The following MAMDC2 variants were observed in gnomAD, a reference collection of about 807,000 sequenced individuals.
The protein encoded by MAMDC2 is MAM domain-containing protein 2.
A neutral mutation model predicts 89.8 loss-of-function variants in MAMDC2; 57 were observed. That is an observed-to-expected ratio of 0.63 (90% CI 0.51 to 0.79). The LOEUF (loss-of-function observed/expected upper bound fraction) is 0.79. Ranked by LOEUF, MAMDC2 falls within the 30% of genes least tolerant of loss-of-function variation. MAMDC2 has a pLI of 0.00. For missense variants in MAMDC2, 800 were observed against 820.6 expected (o/e 0.97, Z 0.31); for synonymous variants, 313 against 293.4 (o/e 1.07, Z -0.68).
intron 2 of MAMDC2, among the ~76,000 whole-genome samples, chr9:70,098,627 C>CCACTAT (rs1828086405): frequency 6.6e-6 from 1 of 152,064 alleles, no homozygotes; most frequent in East Asian, 1.9e-4. Flanking sequence ...CTTCAGGATC[C>CCACTAT]CACTATAAGG....
intron 9 of MAMDC2, among the ~76,000 whole-genome samples, chr9:70,151,488 TG>T (rs139323396): frequency 6.6e-6 from 1 of 152,358 alleles, no homozygotes; most frequent in East Asian, 1.9e-4. Flanking sequence ...CAATAAATTT[TG>T]TTTGGTACGT....
intron 2 of MAMDC2, among the ~76,000 whole-genome samples, chr9:70,045,148 G>A (rs905804107): frequency 1.3e-5 from 2 of 152,230 alleles, no homozygotes; most frequent in African/African-American, 4.8e-5. Context: ...GTGATGGGAC[G>A]TCAGTGCTAA....
chr9:70,145,030 T>C (rs1308113081), intron 9 of MAMDC2, among the ~76,000 whole-genome samples: 1 of 152,252 alleles, frequency 6.6e-6, no homozygotes, highest in African/African-American at 2.4e-5. Context: ...TATTTTCCAT[T>C]GCTAGGCAGG....
At chr9:70,178,188 G>T (rs2032555136) in intron 11 of MAMDC2, among the ~76,000 whole-genome samples, 1 of 152,148 alleles carries the variant, frequency 6.6e-6, no homozygotes, top group Non-Finnish European at 1.5e-5. Flanking sequence ...ATAACAGAAT[G>T]GCTGAACTGA....
chr9:70,085,591 T>G (rs574492898), intron 2 of MAMDC2, among the ~76,000 whole-genome samples: 24 of 152,214 alleles, frequency 1.6e-4, no homozygotes, highest in African/African-American at 5.3e-4. Context: ...TTGACCAGAC[T>G]ACTGCTTGTT....
At chr9:70,130,164 C>T (rs1186270065) in intron 6 of MAMDC2, among the ~76,000 whole-genome samples, 1 of 151,940 alleles carries the variant, frequency 6.6e-6, no homozygotes, top group Non-Finnish European at 1.5e-5. Flanking sequence ...GACCCTATTC[C>T]CAAATAAGGT....
At chr9:70,180,300 T>C (rs996882924) in intron 11 of MAMDC2, among the ~76,000 whole-genome samples, 1 of 152,338 alleles carries the variant, frequency 6.6e-6, no homozygotes. Context: ...TCTTTGCTAT[T>C]GTAAATAGTG....
chr9:70,129,103 A>G (rs1190077347), intron 6 of MAMDC2, among the ~76,000 whole-genome samples: 1 of 152,210 alleles, frequency 6.6e-6, no homozygotes, highest in Non-Finnish European at 1.5e-5. Context: ...AGACCCTGGG[A>G]GGTTAACTGA....
intron 2 of MAMDC2, among the ~76,000 whole-genome samples, chr9:70,078,766 C>T (rs1175704956): frequency 1.3e-5 from 2 of 152,074 alleles, no homozygotes; most frequent in African/African-American, 4.8e-5. Context: ...AAAGGATTTG[C>T]GTTCCTCCAA....
At chr9:70,120,539 A>G (rs955015388) in intron 5 of MAMDC2, among the ~76,000 whole-genome samples, 1 of 152,146 alleles carries the variant, frequency 6.6e-6, no homozygotes, top group Non-Finnish European at 1.5e-5. Context: ...TAGAAACCCC[A>G]TCTCCAATCT....
intron 11 of MAMDC2, among the ~76,000 whole-genome samples, chr9:70,214,006 C>A (rs1372193462): frequency 6.6e-6 from 1 of 152,090 alleles, no homozygotes; most frequent in African/African-American, 2.4e-5. Flanking sequence ...ATTCATTCAT[C>A]CATTCAACAG....
chr9:70,047,965 C>T (rs1309568177), intron 2 of MAMDC2, among the ~76,000 whole-genome samples: 1 of 152,164 alleles, frequency 6.6e-6, no homozygotes, highest in East Asian at 1.9e-4. Context: ...GCTTTATCTC[C>T]ACTGGACACA....
At position 70,221,392 on chromosome 9, in the gene MAMDC2, G is replaced by T. The variant is rs1385801667; in HGVS notation, c.1911+2796G>T. 2.7e-3 allele frequency among the ~76,000 whole-genome samples: 138 copies of T among 50,464 alleles called. 15 individuals carry two copies. The highest frequency in any genetic ancestry group is 3.7e-3 in the Non-Finnish European group (87 of 23,296). The allele number at this position is 50,464 out of a possible 152,430, so 33.1% of individuals were successfully genotyped here. On this transcript the variant is annotated intron_variant, in intron 12 of 13. Transcript: ENST00000377182. ...ATATATATATATATAGAGAGAGAGA[G>T]AGAGAGAGAGAGAGAGTAACATCAG...
intron 2 of MAMDC2, among the ~76,000 whole-genome samples, chr9:70,057,088 G>A (rs1299306502): frequency 6.6e-6 from 1 of 152,138 alleles, no homozygotes; most frequent in Non-Finnish European, 1.5e-5. Context: ...ATGTAATGTG[G>A]TTGAATCATC....
At chr9:70,126,117 C>A (rs773941443) in intron 5 of MAMDC2, 42 bp from the exon 6 acceptor site, 12 of 1,553,956 alleles carry the variant, frequency 7.7e-6, no homozygotes, top group African/African-American at 2.7e-5. Context: ...CCCTCCCCCA[C>A]CCCCAACTCT....
At chr9:70,172,076 A>G (rs898612735) in intron 11 of MAMDC2, 1 of 152,244 alleles carries the variant, frequency 6.6e-6, no homozygotes, top group Admixed American at 6.5e-5. Flanking sequence ...TCATTCTTCA[A>G]ACATAAAGAT....
intron 11 of MAMDC2, among the ~76,000 whole-genome samples, chr9:70,193,609 A>AT (rs1283635965): frequency 4.5e-5 from 1 of 22,142 alleles, no homozygotes. Flanking sequence ...TCCTTTTCAT[A>AT]TATAAGGCAA....
At chr9:70,052,582 A>G (rs1222311760) in intron 2 of MAMDC2, among the ~76,000 whole-genome samples, 3 of 152,074 alleles carry the variant, frequency 2.0e-5, no homozygotes, top group African/African-American at 7.2e-5. Context: ...GCATCTCCTG[A>G]TAAGAGTCCC....
intron 11 of MAMDC2, among the ~76,000 whole-genome samples, chr9:70,205,079 C>T (rs893734445): frequency 2.5e-4 from 38 of 152,202 alleles, no homozygotes; most frequent in Non-Finnish European, 4.4e-4. Flanking sequence ...TTGGCTCCTC[C>T]CCGCTTATTT....
Sources: gnomAD v4.1 joint callset for allele counts (sites outside exome capture counted in the v4.1 genomes callset) on GRCh38, gnomAD v4.1.1 for gene constraint, MANE v1.5 for transcripts, NCBI Gene and HGNC (gene_info 2026-07-23, HGNC 2026-07-21) for gene names.